The following PLAC1 variants were observed in gnomAD, a reference collection of about 807,000 sequenced individuals.
PLAC1 encodes placenta-specific protein 1.
For synonymous variants in PLAC1, 68 were observed against 62.1 expected, an observed-to-expected ratio of 1.09 and a Z score of -0.44; for missense variants, 136 against 163.2, an observed-to-expected ratio of 0.83 and a Z score of 0.91.
intron 2 of PLAC1, among the ~76,000 whole-genome samples, chrX:134,689,504 A>C (rs1438949817): frequency 1.8e-5 from 2 of 111,456 alleles, no homozygotes; most frequent in African/African-American, 6.5e-5. Context: ...TACTTCCTCC[A>C]TCAAGCCCTC....
chrX:134,653,648 A>C (rs1453360219), intron 1 of PLAC1, among the ~76,000 whole-genome samples: 1 of 111,562 alleles, frequency 9.0e-6, no homozygotes, highest in East Asian at 2.8e-4. Context: ...GTCTGTGGGC[A>C]CACAAGGCCC....
chrX:134,567,811 A>AGGGAGG (rs2077885328), intron 2 of PLAC1, among the ~76,000 whole-genome samples: 1 of 75,156 alleles, frequency 1.3e-5, no homozygotes, highest in African/African-American at 5.6e-5. Context: ...AGAGAGAGAG[A>AGGGAGG]GAGGGAGGGA....
In PLAC1 at chrX:134,567,737, A is replaced by G. The variant is rs369070079; in HGVS notation, c.-58-997T>C. 3.3e-3 allele frequency among the ~76,000 whole-genome samples: 334 copies of G among 102,257 alleles called. 4 individuals are homozygous for G. Among genetic ancestry groups the G allele is most frequent in the African/African-American group, 0.012 (320 of 27,746 alleles). 88.8% of individuals were successfully genotyped at this position (102,257 alleles called of 115,157 possible). A position where few individuals can be genotyped will look rare whatever the true frequency, so the allele number is the denominator to read the frequency against. ...TGTGCCACTGCACTCCAGCCTGGGCAACAGAGAGAGAGAGACTCTGTCTCA... is the reference window on the plus strand; with the variant it reads ...TGTGCCACTGCACTCCAGCCTGGGCGACAGAGAGAGAGAGACTCTGTCTCA... On this transcript the variant is annotated intron_variant, in intron 2 of 2. Coordinates refer to ENST00000359237, the MANE Select transcript of PLAC1 (RefSeq NM_021796.4).
At chrX:134,736,743 T>C (rs1489384228) in intron 1 of PLAC1, among the ~76,000 whole-genome samples, 2 of 112,363 alleles carry the variant, frequency 1.8e-5, no homozygotes, top group East Asian at 5.6e-4. Flanking sequence ...TAAACATTTG[T>C]TGTCTGGCCG....
chrX:134,606,292 G>A (rs1474334685), intron 1 of PLAC1: 1 of 110,700 alleles, frequency 9.0e-6, no homozygotes, highest in Non-Finnish European at 1.9e-5. Context: ...GTAGTGATGT[G>A]CGTGTGCTGA....
At chrX:134,648,013 G>A (rs2078342944) in intron 1 of PLAC1, among the ~76,000 whole-genome samples, 1 of 111,729 alleles carries the variant, frequency 9.0e-6, no homozygotes, top group African/African-American at 3.3e-5. Context: ...TGACTGTTCA[G>A]TGTTATGATT....
chrX:134,629,945 T>C (rs971440448), intron 1 of PLAC1, among the ~76,000 whole-genome samples: 22 of 109,951 alleles, frequency 2.0e-4, no homozygotes, highest in Non-Finnish European at 4.0e-4. Context: ...AGTTATTATT[T>C]CTTTCTTTCT....
chrX:134,691,245 C>G (rs1386392227), intron 2 of PLAC1, among the ~76,000 whole-genome samples: 3 of 107,179 alleles, frequency 2.8e-5, no homozygotes, highest in Non-Finnish European at 3.8e-5. Context: ...TTGTACATAT[C>G]CTCTGAGGCC....
At chrX:134,609,500 T>C (rs980972532) in intron 1 of PLAC1, among the ~76,000 whole-genome samples, 1 of 112,217 alleles carries the variant, frequency 8.9e-6, no homozygotes, top group Non-Finnish European at 1.9e-5. Context: ...AACGTAATTC[T>C]GAGAGCCATC....
intron 1 of PLAC1, among the ~76,000 whole-genome samples, chrX:134,610,879 G>A (rs369995887): frequency 9.0e-6 from 1 of 111,649 alleles, no homozygotes; most frequent in Non-Finnish European, 1.9e-5. Context: ...CCCGGCTAGA[G>A]TGCAGTGGTA....
chrX:134,660,944 T>A (rs993054213), upstream of PLAC1, among the ~76,000 whole-genome samples: 1 of 110,393 alleles, frequency 9.1e-6, no homozygotes, highest in Non-Finnish European at 1.9e-5. Flanking sequence ...AATGTTGTTT[T>A]AAAAAAATTA....
intron 1 of PLAC1, among the ~76,000 whole-genome samples, chrX:134,626,153 C>T (rs1273243880): frequency 5.4e-5 from 6 of 112,107 alleles, no homozygotes; most frequent in Middle Eastern, 4.6e-3. Context: ...GCTCCCTTCT[C>T]TTTATTCAGA....
chrX:134,623,384 C>T (rs1373183049), intron 1 of PLAC1, among the ~76,000 whole-genome samples: 1 of 112,363 alleles, frequency 8.9e-6, no homozygotes, highest in Non-Finnish European at 1.9e-5. Flanking sequence ...GACATTTGAG[C>T]CCAATGGACA....
intron 2 of PLAC1, among the ~76,000 whole-genome samples, chrX:134,589,032 C>T (rs1193727923): frequency 5.4e-5 from 6 of 111,486 alleles, no homozygotes; most frequent in Admixed American, 9.5e-5. Flanking sequence ...TGAAGTGTTC[C>T]GACTTTGAGC....
intron 2 of PLAC1, among the ~76,000 whole-genome samples, chrX:134,701,561 A>C (rs2078583102): frequency 8.9e-6 from 1 of 112,340 alleles, no homozygotes; most frequent in African/African-American, 3.2e-5. Flanking sequence ...TAATACCCAA[A>C]ATCTGTAAGG....
intron 1 of PLAC1, among the ~76,000 whole-genome samples, chrX:134,611,539 A>G (rs1467935434): frequency 1.1e-5 from 1 of 90,589 alleles, no homozygotes. Context: ...ATATGTATAT[A>G]TGCATATACA....
chrX:134,622,190 A>G (rs1025143521), intron 1 of PLAC1, among the ~76,000 whole-genome samples: 5 of 111,654 alleles, frequency 4.5e-5, no homozygotes, highest in African/African-American at 6.5e-5. Context: ...GACAGCCACA[A>G]TGTTGTTTAG....
At chrX:134,731,242 C>A (rs1297649555) in intron 2 of PLAC1, among the ~76,000 whole-genome samples, 1 of 112,037 alleles carries the variant, frequency 8.9e-6, no homozygotes, top group Non-Finnish European at 1.9e-5. Flanking sequence ...GATGAATATG[C>A]CCGAGCATCA....
chrX:134,722,457 A>T (rs1038385670), intron 2 of PLAC1, among the ~76,000 whole-genome samples: 2 of 112,425 alleles, frequency 1.8e-5, no homozygotes, highest in African/African-American at 6.5e-5. Flanking sequence ...GATTCCACTT[A>T]CATGAAATGA....
Sources: allele counts gnomAD v4.1 joint callset (sites outside exome capture counted in the v4.1 genomes callset), GRCh38; gene constraint gnomAD v4.1.1; transcripts MANE v1.5; gene names NCBI Gene and HGNC (gene_info 2026-07-23, HGNC 2026-07-21).